STXBP5: variants seen among roughly 807,000 people sequenced by gnomAD.
STXBP5 encodes syntaxin binding protein 5.
STXBP5 carries 50 observed loss-of-function variants against 152.4 expected under a neutral mutation model. The observed-to-expected ratio is 0.33, with a 90% CI of 0.26 to 0.42. The LOEUF (loss-of-function observed/expected upper bound fraction) is 0.42, where lower values mean the gene tolerates loss of function less well. Ranked by LOEUF, STXBP5 falls within the 10% of genes least tolerant of loss-of-function variation. The pLI is 1.00. For synonymous variants in STXBP5, 492 were observed against 494.7 expected (o/e 0.99, Z 0.07); for missense variants, 1,167 against 1,388.6 (o/e 0.84, Z 2.54).
chr6:147,367,322 A>G (rs1785334314), intron 25 of STXBP5, among the ~76,000 whole-genome samples: 4 of 152,182 alleles, frequency 2.6e-5, no homozygotes, highest in African/African-American at 9.6e-5. Context: ...TCTCAATGCA[A>G]TGATGTCAAC....
intron 4 of STXBP5, among the ~76,000 whole-genome samples, chr6:147,255,951 G>T (rs774005100): frequency 2.9e-4 from 44 of 152,118 alleles, no homozygotes; most frequent in Admixed American, 5.9e-4. Flanking sequence ...CATACAAATT[G>T]CAGATTATTT....
chr6:147,315,776 A>G (rs772686409), intron 15 of STXBP5, 41 bp downstream of exon 15: 47 of 1,565,200 alleles, frequency 3.0e-5, no homozygotes, highest in East Asian at 2.5e-4. Context: ...AGTTATTTTC[A>G]TCCACATTTT....
intron 10 of STXBP5, 63 bp downstream of exon 10, chr6:147,310,301 ACCTAGGTTGTTTAG>A: frequency 1.0e-5 from 10 of 993,588 alleles, no homozygotes; most frequent in South Asian, 3.4e-5. Flanking sequence ...AAAAAAAAAG[ACCTAGGTTGTTTAG>A]ATAAAACTAC....
intron 2 of STXBP5, among the ~76,000 whole-genome samples, chr6:147,232,171 G>C (rs938945492): frequency 1.3e-5 from 2 of 151,826 alleles, no homozygotes; most frequent in Admixed American, 6.6e-5. Context: ...TCTAATGGCA[G>C]AGCTGGCATA....
chr6:147,287,404 G>A (rs550491760), intron 8 of STXBP5, among the ~76,000 whole-genome samples: 103 of 151,204 alleles, frequency 6.8e-4, no homozygotes, highest in Non-Finnish European at 1.3e-3. Flanking sequence ...GGGTTTCACC[G>A]TTTTAGCCGG....
intron 11 of STXBP5, among the ~76,000 whole-genome samples, chr6:147,313,287 G>A (rs1352717950): frequency 6.6e-6 from 1 of 152,128 alleles, no homozygotes; most frequent in Non-Finnish European, 1.5e-5. Flanking sequence ...AATGAGAAAA[G>A]AAATATTTTA....
At chr6:147,239,385 C>T in intron 4 of STXBP5, 115 bp downstream of exon 4, 1 of 803,898 alleles carries the variant, frequency 1.2e-6, no homozygotes, top group African/African-American at 1.7e-5. Flanking sequence ...AAAACTGATT[C>T]AGAAGCTTCA....
At chr6:147,208,032 G>C (rs1043507510) in intron 2 of STXBP5, among the ~76,000 whole-genome samples, 3 of 152,134 alleles carry the variant, frequency 2.0e-5, no homozygotes, top group African/African-American at 7.2e-5. Flanking sequence ...TCAAGGATCA[G>C]GTGGCCAAAA....
intron 2 of STXBP5, 133 bp downstream of exon 2, chr6:147,206,201 G>A (rs1776548591): frequency 2.9e-6 from 2 of 695,614 alleles, no homozygotes; most frequent in Admixed American, 3.0e-5. Context: ...GAAATCATGT[G>A]TTGGCTTTTC....
At chr6:147,271,323 G>A (rs776968228) in intron 7 of STXBP5, among the ~76,000 whole-genome samples, 43 of 152,022 alleles carry the variant, frequency 2.8e-4, no homozygotes, top group Admixed American at 1.4e-3. Context: ...TATCAACCAA[G>A]TAGGTATCAG....
chr6:147,260,618 T>A lies in STXBP5; in HGVS notation c.435T>A (p.Val145=). The change falls in exon 5 of 28, where the codon GTT becomes GTA. Residue 145 remains valine (V), a synonymous_variant. Transcript: ENST00000321680. ...LHSLKFCRER[V]TFCHLPFQSK... is the part of the protein sequence containing the mutation. ...TGAGTATATTTTTCTCTTGCAGGGTTACATTTTGCCATCTGCCTTTCCAGA... is the reference window on the plus strand; with the variant it reads ...TGAGTATATTTTTCTCTTGCAGGGTAACATTTTGCCATCTGCCTTTCCAGA... 6.2e-7 allele frequency: 1 copy of A among 1,613,742 alleles called. No individual in the cohort carries two copies. The highest frequency in any genetic ancestry group is 8.5e-7 in the Non-Finnish European group (1 of 1,179,696).
At chr6:147,335,918 A>ATTTT (rs1783804534) in intron 19 of STXBP5, among the ~76,000 whole-genome samples, 1 of 152,260 alleles carries the variant, frequency 6.6e-6, no homozygotes, top group African/African-American at 2.4e-5. Flanking sequence ...GGTCCATGTG[A>ATTTT]AAAGGAAAGT....
intron 9 of STXBP5, among the ~76,000 whole-genome samples, chr6:147,304,131 G>A (rs1430389537): frequency 1.3e-5 from 2 of 152,174 alleles, no homozygotes; most frequent in Non-Finnish European, 2.9e-5. Flanking sequence ...TGCCTCCAGG[G>A]CATGTCACAA....
intron 22 of STXBP5, among the ~76,000 whole-genome samples, chr6:147,355,919 A>T (rs925675339): frequency 1.3e-5 from 2 of 152,178 alleles, no homozygotes; most frequent in Non-Finnish European, 1.5e-5. Flanking sequence ...CTTAACTTAA[A>T]AGGAGTAAGT....
chr6:147,213,438 G>A (rs1350860782), intron 2 of STXBP5, among the ~76,000 whole-genome samples: 7 of 50,946 alleles, frequency 1.4e-4, no homozygotes, highest in Non-Finnish European at 1.7e-4. Context: ...TTATATATGT[G>A]TGTGTGTGTG....
At chr6:147,249,726 TA>T (rs1778993561) in intron 4 of STXBP5, among the ~76,000 whole-genome samples, 1 of 152,126 alleles carries the variant, frequency 6.6e-6, no homozygotes, top group African/African-American at 2.4e-5. Context: ...AGATTGTTTC[TA>T]AAAGTGTGGC....
In STXBP5 at chr6:147,387,149, A is replaced by C. The variant is rs1053036484; in HGVS notation, c.*2394A>C. Reference sequence around the variant, plus strand: ...TAAAGTATGTTTGAGTGTAGGAAATAAGCTTCTCAGAGTTATACTTGATTC... The same window carrying C: ...TAAAGTATGTTTGAGTGTAGGAAATCAGCTTCTCAGAGTTATACTTGATTC... On this transcript the variant is annotated 3_prime_UTR_variant, in exon 28 of 28. Transcript: ENST00000321680. 1 of 151,684 alleles carries C rather than the reference A, an allele frequency of 6.6e-6. No individual in the cohort carries two copies. The highest frequency in any genetic ancestry group is 2.4e-5 in the African/African-American group (1 of 41,398). 9.4% of individuals were successfully genotyped at this position (151,684 alleles called of 1,614,324 possible).
chr6:147,242,970 G>A (rs1180991127), intron 4 of STXBP5, among the ~76,000 whole-genome samples: 1 of 152,130 alleles, frequency 6.6e-6, no homozygotes, highest in African/African-American at 2.4e-5. Context: ...TTTTACAAAT[G>A]TAACAGTTTG....
Position 147,209,500 on chromosome 6 carries a change from G to GT in STXBP5, c.248+3442dup, listed in dbSNP as rs913443935. Among the ~76,000 whole-genome samples the GT allele has an allele frequency of 2.5e-4, 37 of 149,608 alleles. No individual in the cohort carries two copies. In the South Asian group the frequency reaches 3.6e-3, roughly 14 times the overall value. ...TAAATAATTACATGTCCTTGAATTAGTTTTTTTTTTCCTTACTATAAAAAT... is the reference window on the plus strand; with the variant it reads ...TAAATAATTACATGTCCTTGAATTAGTTTTTTTTTTTCCTTACTATAAAAAT... On this transcript the variant is annotated intron_variant, in intron 2 of 27. Transcript: ENST00000321680.
Sources: allele counts gnomAD v4.1 joint callset (sites outside exome capture counted in the v4.1 genomes callset), GRCh38; gene constraint gnomAD v4.1.1; transcripts MANE v1.5; gene names NCBI Gene and HGNC (gene_info 2026-07-23, HGNC 2026-07-21).